Variants in WWTR1 observed in about 807,000 individuals in gnomAD.
WWTR1 encodes WW domain containing transcription regulator 1, also known as WW domain-containing transcription regulator protein 1.
Under a neutral mutation model 40.1 loss-of-function variants are expected in WWTR1, and 13 were observed. The observed-to-expected ratio is 0.32, with a 90% CI of 0.21 to 0.52. The LOEUF (loss-of-function observed/expected upper bound fraction) is 0.52. WWTR1 is among the 20% of genes least tolerant of loss of function. The probability of loss-of-function intolerance (pLI) is 0.97; values close to 1 mark genes in which losing one functional copy is unlikely to be tolerated. For missense variants in WWTR1, 436 were observed against 523.1 expected (o/e 0.83, Z 1.63); for synonymous variants, 230 against 210.1 (o/e 1.09, Z -0.82).
intron 1 of WWTR1, among the ~76,000 whole-genome samples, chr3:149,674,630 A>C (rs1019594647): frequency 5.9e-5 from 9 of 151,952 alleles, no homozygotes; most frequent in Non-Finnish European, 1.3e-4. Flanking sequence ...TAGCCTTCAG[A>C]GAGAACAAGC....
chr3:149,525,741 T>G (rs991195941), intron 6 of WWTR1: 3 of 230,140 alleles, frequency 1.3e-5, no homozygotes, highest in African/African-American at 6.8e-5. Flanking sequence ...TTCAACATTT[T>G]TACAGACACT....
chr3:149,552,252 A>G (rs1736644468), intron 3 of WWTR1, among the ~76,000 whole-genome samples: 1 of 124,702 alleles, frequency 8.0e-6, no homozygotes, highest in East Asian at 2.4e-4. Flanking sequence ...TCACAATGAT[A>G]TGGATCTTCC....
At chr3:149,621,216 G>C (rs1740250444) in intron 2 of WWTR1, among the ~76,000 whole-genome samples, 1 of 152,204 alleles carries the variant, frequency 6.6e-6, no homozygotes, top group Non-Finnish European at 1.5e-5. Flanking sequence ...CCCTTATAAA[G>C]AAACAGTCCT....
At chr3:149,625,695 G>T (rs1227893970) in intron 2 of WWTR1, among the ~76,000 whole-genome samples, 3 of 151,864 alleles carry the variant, frequency 2.0e-5, no homozygotes, top group African/African-American at 7.3e-5. Context: ...GAAGGCTGAG[G>T]CAGGAGAATC....
chr3:149,652,052 C>T (rs1217019495), intron 2 of WWTR1, among the ~76,000 whole-genome samples: 1 of 134,488 alleles, frequency 7.4e-6, no homozygotes, highest in Non-Finnish European at 1.5e-5. Context: ...ACGGTGTTAG[C>T]CAGGATGATC....
At chr3:149,532,578 T>A (rs1266911183) in intron 4 of WWTR1, among the ~76,000 whole-genome samples, 1 of 152,210 alleles carries the variant, frequency 6.6e-6, no homozygotes, top group African/African-American at 2.4e-5. Context: ...TTCTAGCCTT[T>A]TTTTGAATGA....
At chr3:149,670,547 G>A (rs1156363861) in intron 1 of WWTR1, among the ~76,000 whole-genome samples, 1 of 151,814 alleles carries the variant, frequency 6.6e-6, no homozygotes, top group Admixed American at 6.6e-5. Flanking sequence ...GGGAGGATGA[G>A]GCAGGAGAAT....
intron 2 of WWTR1, among the ~76,000 whole-genome samples, chr3:149,639,482 A>AT (rs1459002639): frequency 2.0e-5 from 3 of 152,174 alleles, no homozygotes; most frequent in Non-Finnish European, 1.5e-5. Flanking sequence ...TTCTGGGATT[A>AT]TAAGTGTGAG....
chr3:149,517,508 A>G lies in WWTR1; in HGVS notation c.*3297T>C, dbSNP rs1276916596. The G allele has an allele frequency of 6.6e-6, 1 of 152,172 alleles. No homozygotes were observed. Among genetic ancestry groups the G allele is most frequent in the Non-Finnish European group, 1.5e-5 (1 of 68,026 alleles). 9.4% of individuals were successfully genotyped at this position (152,172 alleles called of 1,614,324 possible). A position where few individuals can be genotyped will look rare whatever the true frequency, so the allele number is the denominator to read the frequency against. ...TAACCTACGATTTCCTTTTTTTAACAGCTTATTTTTTTCATAAAAGTTGTA... is the reference window on the plus strand; with the variant it reads ...TAACCTACGATTTCCTTTTTTTAACGGCTTATTTTTTTCATAAAAGTTGTA... On this transcript the variant is annotated 3_prime_UTR_variant, in exon 7 of 7. Coordinates refer to ENST00000360632, the MANE Select transcript of WWTR1 (RefSeq NM_015472.6).
chr3:149,707,748 A>T (rs1444502439), upstream of WWTR1, among the ~76,000 whole-genome samples: 2 of 151,966 alleles, frequency 1.3e-5, no homozygotes, highest in Non-Finnish European at 2.9e-5. Context: ...CAGGAGGCAA[A>T]CTGACTGCCA....
chr3:149,616,594 C>A (rs144306367), intron 2 of WWTR1, among the ~76,000 whole-genome samples: 4,698 of 152,150 alleles, frequency 0.031, 247 homozygotes, highest in East Asian at 0.22. Context: ...AGGGACGTGC[C>A]ACCACACCTG....
chr3:149,593,345 T>A (rs916529795), intron 2 of WWTR1, among the ~76,000 whole-genome samples: 3 of 152,192 alleles, frequency 2.0e-5, no homozygotes, highest in Non-Finnish European at 1.5e-5. Context: ...ATGTAATTAC[T>A]TCTATTTAAT....
At chr3:149,604,506 T>C (rs886797128) in intron 2 of WWTR1, among the ~76,000 whole-genome samples, 4 of 152,152 alleles carry the variant, frequency 2.6e-5, no homozygotes, top group African/African-American at 9.7e-5. Flanking sequence ...ATGCAGGAAG[T>C]GAAGGAAGGA....
upstream of WWTR1, among the ~76,000 whole-genome samples, chr3:149,658,971 C>T (rs151092244): frequency 1.3e-3 from 202 of 152,262 alleles, 1 homozygote; most frequent in Middle Eastern, 3.4e-3. Context: ...AAAAAAGCCA[C>T]CCACCTTCCC....
At chr3:149,719,592 G>A (rs1433116664) in intron 4 of WWTR1, among the ~76,000 whole-genome samples, 2 of 152,152 alleles carry the variant, frequency 1.3e-5, no homozygotes, top group African/African-American at 4.8e-5. Flanking sequence ...ATGAACACGA[G>A]CATACAAATA....
chr3:149,650,886 C>T (rs1299046727), intron 2 of WWTR1, among the ~76,000 whole-genome samples: 1 of 152,184 alleles, frequency 6.6e-6, no homozygotes, highest in Non-Finnish European at 1.5e-5. Context: ...CCAGGTTGTC[C>T]CTCAAAGCTA....
At chr3:149,657,422 G>A (rs1022851379) in intron 1 of WWTR1, 113 bp from the exon 2 acceptor site, 12 of 1,262,720 alleles carry the variant, frequency 9.5e-6, no homozygotes, top group Non-Finnish European at 1.3e-5. Context: ...AAAAGGAAAC[G>A]AGGAGACAGA....
At chr3:149,603,323 G>T (rs1012472655) in intron 2 of WWTR1, among the ~76,000 whole-genome samples, 1 of 152,094 alleles carries the variant, frequency 6.6e-6, no homozygotes, top group Non-Finnish European at 1.5e-5. Flanking sequence ...AGACATAAAG[G>T]GTCTTTGTTA....
chr3:149,557,352 G>A (rs546402359), intron 3 of WWTR1, among the ~76,000 whole-genome samples: 21 of 152,150 alleles, frequency 1.4e-4, no homozygotes, highest in Non-Finnish European at 7.4e-5. Context: ...GATTACAGGC[G>A]TGAGCCACTG....
Sources: allele counts gnomAD v4.1 joint callset (sites outside exome capture counted in the v4.1 genomes callset), GRCh38; gene constraint gnomAD v4.1.1; transcripts MANE v1.5; gene names NCBI Gene and HGNC (gene_info 2026-07-23, HGNC 2026-07-21).